RCOR1: variants seen among roughly 807,000 people sequenced by gnomAD.
The protein encoded by RCOR1 is REST corepressor 1.
In RCOR1, 12 loss-of-function variants were observed where a neutral mutation model predicts 64.0. The observed-to-expected ratio is 0.19, with a 90% CI of 0.12 to 0.30. RCOR1 has a LOEUF of 0.30. RCOR1 is among the 10% of genes least tolerant of loss of function. The probability of loss-of-function intolerance (pLI) is 1.00; values close to 1 mark genes in which losing one functional copy is unlikely to be tolerated. For synonymous variants in RCOR1, 279 were observed against 227.2 expected (o/e 1.23, Z -2.05); for missense variants, 502 against 621.2 (o/e 0.81, Z 2.04).
chr14:102,618,594 A>G (rs1893810633), intron 2 of RCOR1, among the ~76,000 whole-genome samples: 2 of 152,184 alleles, frequency 1.3e-5, no homozygotes, highest in African/African-American at 4.8e-5. Flanking sequence ...AGCCTGGGCA[A>G]GAAAGTCGAC....
At chr14:102,632,218 G>T (rs1177785002) in intron 2 of RCOR1, among the ~76,000 whole-genome samples, 3 of 130,458 alleles carry the variant, frequency 2.3e-5, no homozygotes, top group East Asian at 4.5e-4. Context: ...CGTTTGTTGG[G>T]TTTTTTTTTT....
At chr14:102,678,633 G>A (rs1402183413) in intron 2 of RCOR1, among the ~76,000 whole-genome samples, 1 of 152,102 alleles carries the variant, frequency 6.6e-6, no homozygotes, top group Non-Finnish European at 1.5e-5. Context: ...ATTCTGTAGG[G>A]TATATGGCTG....
intron 3 of RCOR1, among the ~76,000 whole-genome samples, chr14:102,684,545 A>G (rs1895375093): frequency 6.6e-6 from 1 of 152,212 alleles, no homozygotes; most frequent in Admixed American, 6.5e-5. Flanking sequence ...ATTATTTTCT[A>G]TCAGGAAAGA....
chr14:102,639,264 CT>C (rs11306200), intron 2 of RCOR1, among the ~76,000 whole-genome samples: 48,322 of 125,286 alleles, frequency 0.39, 7,855 homozygotes, highest in Middle Eastern at 0.5. Flanking sequence ...TTCTTTCTTT[CT>C]TTTTTTTTTT....
At chr14:102,655,137 AGC>A in intron 2 of RCOR1, 2 of 190,162 alleles carry the variant, frequency 1.1e-5, no homozygotes, top group Non-Finnish European at 1.6e-5. Context: ...TTTTTTTTTA[AGC>A]TAAATTTTGT....
intron 2 of RCOR1, among the ~76,000 whole-genome samples, chr14:102,607,311 C>T (rs1281642685): frequency 3.3e-5 from 5 of 152,154 alleles, no homozygotes; most frequent in East Asian, 1.9e-4. Flanking sequence ...GAAAAATTGT[C>T]TTTTAAATTG....
intron 4 of RCOR1, among the ~76,000 whole-genome samples, chr14:102,701,792 C>T (rs1895762525): frequency 6.6e-6 from 1 of 152,146 alleles, no homozygotes; most frequent in Non-Finnish European, 1.5e-5. Context: ...CATCTCAGCT[C>T]ATTGCAACCT....
chr14:102,697,952 C>T (rs1360700478), intron 3 of RCOR1, among the ~76,000 whole-genome samples: 1 of 152,178 alleles, frequency 6.6e-6, no homozygotes, highest in African/African-American at 2.4e-5. Flanking sequence ...AACTCCTGAC[C>T]TCAAGTGATC....
At chr14:102,642,147 GC>G (rs1230826497) in intron 2 of RCOR1, among the ~76,000 whole-genome samples, 1 of 152,022 alleles carries the variant, frequency 6.6e-6, no homozygotes, top group Non-Finnish European at 1.5e-5. Context: ...TACTCCTCGT[GC>G]CCCAGCTGCG....
At chr14:102,667,440 G>A (rs1011180396) in intron 2 of RCOR1, among the ~76,000 whole-genome samples, 1 of 152,098 alleles carries the variant, frequency 6.6e-6, no homozygotes, top group African/African-American at 2.4e-5. Context: ...GATGGAGGTT[G>A]CAGTGAGCTG....
Position 102,593,066 on chromosome 14 carries a change from AGCC to A in RCOR1, c.190_192del (p.Ala64del), listed in dbSNP as rs761062294. On this transcript the variant is annotated inframe_deletion, in exon 1 of 12. Coordinates refer to ENST00000262241, the MANE Select transcript of RCOR1 (RefSeq NM_015156.4). ...CCTCAGCCTCGGCCGCCGCCGCCTC[AGCC>A]GCCGCCGCCCCCAATAATGGCCAGA... 29 of 1,401,472 alleles carry A rather than the reference AGCC, an allele frequency of 2.1e-5. No individual in the cohort carries two copies. The highest frequency in any genetic ancestry group is 9.1e-5 in the Admixed American group (3 of 32,872). 86.8% of individuals were successfully genotyped at this position (1,401,472 alleles called of 1,614,324 possible).
chr14:102,602,433 T>C (rs1893423721), intron 2 of RCOR1, among the ~76,000 whole-genome samples: 1 of 143,624 alleles, frequency 7.0e-6, no homozygotes. Context: ...GTTTCGCTCT[T>C]GTTTTGTTCC....
rs1895797947 is a variant in RCOR1, at chr14:102,703,898, T to G, written c.498+2568T>G. Among the ~76,000 whole-genome samples, 3 of 152,238 alleles carry G rather than the reference T, an allele frequency of 2.0e-5. No individual in the cohort carries two copies. In the South Asian group the frequency reaches 6.2e-4, roughly 31 times the overall value. Reference sequence around the variant, plus strand: ...ACTCTCCCTGCCCAACCCATTCTTCTTCACCTCCCTGCTGCACATGCCACA... The same window carrying G: ...ACTCTCCCTGCCCAACCCATTCTTCGTCACCTCCCTGCTGCACATGCCACA... On this transcript the variant is annotated intron_variant, in intron 4 of 11. Coordinates refer to ENST00000262241, the MANE Select transcript of RCOR1 (RefSeq NM_015156.4).
intron 11 of RCOR1, among the ~76,000 whole-genome samples, chr14:102,723,568 C>T (rs1237197103): frequency 6.6e-6 from 1 of 152,192 alleles, no homozygotes. Flanking sequence ...CCTGAATCAC[C>T]CCCATGCATA....
chr14:102,687,747 G>A (rs189076787), intron 3 of RCOR1, among the ~76,000 whole-genome samples: 1 of 152,160 alleles, frequency 6.6e-6, no homozygotes, highest in African/African-American at 2.4e-5. Flanking sequence ...GAGTACAGTT[G>A]ACTCATATGA....
intron 2 of RCOR1, among the ~76,000 whole-genome samples, chr14:102,658,873 G>A (rs1220531452): frequency 6.6e-6 from 1 of 152,172 alleles, no homozygotes; most frequent in Non-Finnish European, 1.5e-5. Context: ...TTGGAGTGGT[G>A]GGAGGTGTAG....
intron 2 of RCOR1, among the ~76,000 whole-genome samples, chr14:102,672,062 T>A (rs1249464802): frequency 1.3e-5 from 2 of 152,268 alleles, no homozygotes; most frequent in East Asian, 3.8e-4. Context: ...TGCATTTTTT[T>A]ATTCAATCGG....
intron 2 of RCOR1, among the ~76,000 whole-genome samples, chr14:102,602,651 C>T (rs1420963337): frequency 2.0e-5 from 3 of 152,092 alleles, no homozygotes; most frequent in Non-Finnish European, 4.4e-5. Flanking sequence ...CAAGTGATCT[C>T]CCGCATCGGC....
At chr14:102,643,636 C>A (rs1040952513) in intron 2 of RCOR1, among the ~76,000 whole-genome samples, 7 of 152,120 alleles carry the variant, frequency 4.6e-5, no homozygotes, top group African/African-American at 1.7e-4. Context: ...TCCAGGAATT[C>A]TTCCTGTCTC....
Sources: gnomAD v4.1 joint callset for allele counts (sites outside exome capture counted in the v4.1 genomes callset) on GRCh38, gnomAD v4.1.1 for gene constraint, MANE v1.5 for transcripts, NCBI Gene and HGNC (gene_info 2026-07-23, HGNC 2026-07-21) for gene names.